Variants in MCC observed in about 807,000 individuals in gnomAD.
MCC encodes the protein colorectal mutant cancer protein.
A neutral mutation model predicts 116.2 loss-of-function variants in MCC; 90 were observed. The ratio of observed to expected loss-of-function variants is 0.77; its 90% CI spans 0.65 to 0.92. The LOEUF (loss-of-function observed/expected upper bound fraction) is 0.92, where lower values mean the gene tolerates loss of function less well. Among genes scored for constraint, MCC ranks in the 40% least tolerant of loss-of-function variants. MCC has a pLI of 0.00. For synonymous variants in MCC, 578 were observed against 510.5 expected (o/e 1.13, Z -1.78); for missense variants, 1,516 against 1,312.2 (o/e 1.16, Z -2.40).
chr5:113,118,197 G>A (rs1259780282), intron 6 of MCC, among the ~76,000 whole-genome samples: 1 of 152,188 alleles, frequency 6.6e-6, no homozygotes, highest in Non-Finnish European at 1.5e-5. Flanking sequence ...GGGTAAGTGA[G>A]CAAAGCATGT....
chr5:113,292,133 G>C (rs925964452), intron 3 of MCC, among the ~76,000 whole-genome samples: 17 of 152,174 alleles, frequency 1.1e-4, no homozygotes, highest in African/African-American at 4.1e-4. Context: ...TCGGGAGACT[G>C]AGGTAAGAGA....
intron 1 of MCC, among the ~76,000 whole-genome samples, chr5:113,485,853 G>A (rs140309871): frequency 1.7e-3 from 257 of 152,272 alleles, no homozygotes; most frequent in Middle Eastern, 3.4e-3. Context: ...TAAATTTAAC[G>A]TCTTTAGATG....
chr5:113,115,879 A>G (rs1757364373), intron 6 of MCC, among the ~76,000 whole-genome samples: 1 of 152,214 alleles, frequency 6.6e-6, no homozygotes, highest in East Asian at 1.9e-4. Context: ...AACTGACAAT[A>G]TACAAGAAAA....
intron 1 of MCC, among the ~76,000 whole-genome samples, chr5:113,472,896 T>C (rs1007223986): frequency 5.3e-5 from 8 of 152,234 alleles, no homozygotes; most frequent in African/African-American, 1.9e-4. Context: ...TGAAGCACCG[T>C]ATTTTGTCTT....
At chr5:113,217,327 GT>G (rs1233956859) in intron 3 of MCC, among the ~76,000 whole-genome samples, 3 of 152,104 alleles carry the variant, frequency 2.0e-5, no homozygotes, top group Non-Finnish European at 4.4e-5. Context: ...ACCATAATTT[GT>G]TTTTTCAGCT....
intron 3 of MCC, among the ~76,000 whole-genome samples, chr5:113,169,800 A>T (rs963008108): frequency 1.3e-5 from 2 of 152,224 alleles, no homozygotes; most frequent in Non-Finnish European, 2.9e-5. Context: ...GTCAACAATC[A>T]GAGGGCTGTC....
At chr5:113,052,629 C>A (rs945524492) in intron 15 of MCC, among the ~76,000 whole-genome samples, 1 of 152,214 alleles carries the variant, frequency 6.6e-6, no homozygotes, top group African/African-American at 2.4e-5. Flanking sequence ...CCCCTCCACT[C>A]TCCAGAGATG....
chr5:113,083,105 C>G, intron 10 of MCC, 97 bp from the exon 11 acceptor site: 1 of 1,209,392 alleles, frequency 8.3e-7, no homozygotes, highest in South Asian at 1.5e-5. Flanking sequence ...CCGTGAGAAT[C>G]GGGGACTGGG....
At chr5:113,075,195 G>C (rs951695949) in intron 11 of MCC, among the ~76,000 whole-genome samples, 2 of 152,214 alleles carry the variant, frequency 1.3e-5, no homozygotes, top group Admixed American at 6.5e-5. Flanking sequence ...CAGCTGTGGA[G>C]GGTGCACCGG....
At chr5:113,264,279 T>C (rs1765331238) in intron 3 of MCC, among the ~76,000 whole-genome samples, 1 of 152,116 alleles carries the variant, frequency 6.6e-6, no homozygotes, top group South Asian at 2.1e-4. Flanking sequence ...TCTATATAAA[T>C]ACGAAAACGG....
intron 3 of MCC, among the ~76,000 whole-genome samples, chr5:113,152,782 A>T (rs977541313): frequency 6.6e-6 from 1 of 152,186 alleles, no homozygotes; most frequent in African/African-American, 2.4e-5. Flanking sequence ...ACTTCACTTA[A>T]TCGCATCGGA....
intron 2 of MCC, among the ~76,000 whole-genome samples, chr5:113,381,392 T>A (rs1336084502): frequency 6.6e-6 from 1 of 152,200 alleles, no homozygotes; most frequent in African/African-American, 2.4e-5. Flanking sequence ...GTAAGATATC[T>A]AGGAATACAT....
chr5:113,034,901 T>A (rs1580886592), intron 17 of MCC, among the ~76,000 whole-genome samples: 2 of 152,336 alleles, frequency 1.3e-5, no homozygotes, highest in African/African-American at 4.8e-5. Flanking sequence ...CATTGGCTGC[T>A]CCCTTTCTAT....
At chr5:113,336,914 C>T (rs983014143) in intron 3 of MCC, among the ~76,000 whole-genome samples, 3 of 152,178 alleles carry the variant, frequency 2.0e-5, no homozygotes, top group Admixed American at 6.5e-5. Context: ...AGGTAAAAAG[C>T]TTATGTAGGA....
intron 16 of MCC, among the ~76,000 whole-genome samples, chr5:113,044,194 G>C (rs541762649): frequency 6.6e-6 from 1 of 152,310 alleles, no homozygotes; most frequent in South Asian, 2.1e-4. Context: ...AACTCCTTTA[G>C]ATTTAGGAGC....
intron 3 of MCC, among the ~76,000 whole-genome samples, chr5:113,164,565 C>T (rs753816670): frequency 1.4e-4 from 21 of 152,178 alleles, no homozygotes; most frequent in African/African-American, 3.9e-4. Flanking sequence ...CTCATTCTTA[C>T]GTGTCGATCA....
intron 3 of MCC, among the ~76,000 whole-genome samples, chr5:113,213,360 C>G (rs1165469568): frequency 6.6e-6 from 1 of 152,136 alleles, no homozygotes; most frequent in Admixed American, 6.5e-5. Context: ...AAGTGCCATG[C>G]AGGCTTGGAA....
chr5:113,314,058 ATCC>A (rs374242095), intron 3 of MCC, among the ~76,000 whole-genome samples: 1 of 152,064 alleles, frequency 6.6e-6, no homozygotes, highest in Non-Finnish European at 1.5e-5. Context: ...GGCTTAAGCA[ATCC>A]TCCTGCCTCA....
At chr5:113,043,424 G>A in intron 17 of MCC, 106 bp downstream of exon 17, 1 of 1,036,610 alleles carries the variant, frequency 9.6e-7, no homozygotes. Flanking sequence ...CATGGGTAAA[G>A]TGGAACACAT....
Sources: gnomAD v4.1 joint callset for allele counts (sites outside exome capture counted in the v4.1 genomes callset) on GRCh38, gnomAD v4.1.1 for gene constraint, MANE v1.5 for transcripts, NCBI Gene and HGNC (gene_info 2026-07-23, HGNC 2026-07-21) for gene names.